The following ELL2 variants were observed in gnomAD, a reference collection of about 807,000 sequenced individuals.
The protein encoded by ELL2 is RNA polymerase II elongation factor ELL2.
In ELL2, 21 loss-of-function variants were observed where a neutral mutation model predicts 72.8. That is an observed-to-expected ratio of 0.29 (90% CI 0.20 to 0.42). ELL2 has a LOEUF of 0.42. ELL2 is among the 10% of genes least tolerant of loss of function. The pLI, the probability that ELL2 is intolerant of heterozygous loss-of-function variation, is 1.00. For missense variants in ELL2, 568 were observed against 772.8 expected (o/e 0.73, Z 3.14); for synonymous variants, 266 against 283.2 (o/e 0.94, Z 0.61).
intron 3 of ELL2, among the ~76,000 whole-genome samples, chr5:95,914,770 A>G (rs1206144894): frequency 6.6e-6 from 1 of 152,122 alleles, no homozygotes; most frequent in Non-Finnish European, 1.5e-5. Flanking sequence ...TCTTGAGCCC[A>G]GGATGTGAAG....
chr5:95,912,976 T>G (rs578110046), intron 4 of ELL2, among the ~76,000 whole-genome samples: 2 of 152,336 alleles, frequency 1.3e-5, no homozygotes, highest in East Asian at 3.9e-4. Context: ...TGACTTGTGT[T>G]ATTAAATTGA....
At position 95,927,836 on chromosome 5, in the gene ELL2, T is replaced by C. The variant is rs1432250740; in HGVS notation, c.196-8291A>G. On this transcript the variant is annotated intron_variant, in intron 2 of 11. Transcript: ENST00000237853. ...GTGTATATAGACATACACACACACA[T>C]ATGTGTGTATATTTTACTTTGAATG... is the stretch of plus-strand genomic sequence containing the variant. 2.2e-5 allele frequency among the ~76,000 whole-genome samples: 2 copies of C among 89,538 alleles called. 1 individual carries two copies. Among genetic ancestry groups the C allele is most frequent in the Non-Finnish European group, 4.1e-5 (2 of 48,794 alleles). The allele number at this position is 89,538 out of a possible 152,430, so 58.7% of individuals were successfully genotyped here.
chr5:95,956,955 A>G (rs1335282711), intron 1 of ELL2, among the ~76,000 whole-genome samples: 1 of 152,212 alleles, frequency 6.6e-6, no homozygotes, highest in Non-Finnish European at 1.5e-5. Flanking sequence ...AATCCAATGG[A>G]GTTGACAAGA....
rs1321672391 is a variant in ELL2, at chr5:95,961,477, GCCAGCCACGGCTCCGCCGGCCCCGCAC to G, written c.147+71_147+97del. 25 of 1,326,174 alleles carry G rather than the reference GCCAGCCACGGCTCCGCCGGCCCCGCAC, an allele frequency of 1.9e-5. 1 individual carries two copies. In the Middle Eastern group the frequency reaches 1.7e-3, roughly 88 times the overall value. The allele number at this position is 1,326,174 out of a possible 1,614,324, so 82.2% of individuals were successfully genotyped here. A position where few individuals can be genotyped will look rare whatever the true frequency, so the allele number is the denominator to read the frequency against. ...GCTGCGGGCGCTGACGGTAGCAGCT[GCCAGCCACGGCTCCGCCGGCCCCGCAC>G]CCGGGCGCGGCCAGGCCGTGAGGGG... is the stretch of plus-strand genomic sequence containing the variant. On this transcript the variant is annotated intron_variant, in intron 1 of 11. Coordinates refer to ENST00000237853, the MANE Select transcript of ELL2 (RefSeq NM_012081.6).
In ELL2 at chr5:95,919,675, G is replaced by T. The variant is rs4642392; in HGVS notation, c.196-130C>A. On this transcript the variant is annotated intron_variant, in intron 2 of 11. Coordinates refer to ENST00000237853, the MANE Select transcript of ELL2 (RefSeq NM_012081.6). ...AAGCCCTTTTGATATATACATCCTC[G>T]CAGCATTTAAATGACCAAACAATTC... 4.8e-6 allele frequency: 5 copies of T among 1,040,100 alleles called. No homozygotes were observed. In the South Asian group the frequency reaches 1.1e-4, roughly 22 times the overall value. The allele number at this position is 1,040,100 out of a possible 1,614,324, so 64.4% of individuals were successfully genotyped here.
intron 1 of ELL2, among the ~76,000 whole-genome samples, chr5:95,951,870 T>C (rs1233079233): frequency 6.6e-6 from 1 of 152,198 alleles, no homozygotes; most frequent in Non-Finnish European, 1.5e-5. Flanking sequence ...AAGGTGACAG[T>C]ACTTGCTGAT....
chr5:95,921,933 T>C (rs1750102536), intron 2 of ELL2, among the ~76,000 whole-genome samples: 1 of 152,240 alleles, frequency 6.6e-6, no homozygotes, highest in African/African-American at 2.4e-5. Context: ...CATATGATAT[T>C]TCATCTTCCT....
At chr5:95,943,176 T>G in intron 1 of ELL2, 127 bp from the exon 2 acceptor site, 1 of 604,578 alleles carries the variant, frequency 1.7e-6, no homozygotes, top group Non-Finnish European at 2.5e-6. Flanking sequence ...ATCCCAGCAC[T>G]TTGGGAGGCT....
chr5:95,907,576 G>A (rs574708919), intron 4 of ELL2, among the ~76,000 whole-genome samples: 6 of 152,140 alleles, frequency 3.9e-5, no homozygotes, highest in East Asian at 3.9e-4. Context: ...GAGGTGAACC[G>A]GGCATTATGT....
chr5:95,940,266 T>A (rs1487071372), intron 2 of ELL2, among the ~76,000 whole-genome samples: 1 of 152,208 alleles, frequency 6.6e-6, no homozygotes, highest in Non-Finnish European at 1.5e-5. Context: ...ATCCAGGTAA[T>A]CAATGACTTT....
At chr5:95,901,165 G>A in intron 5 of ELL2, 85 bp from the exon 6 acceptor site, 1 of 1,406,666 alleles carries the variant, frequency 7.1e-7, no homozygotes, top group Non-Finnish European at 9.5e-7. Flanking sequence ...GATTTACACT[G>A]AAAATAATTA....
chr5:95,942,828 TAATAA>T (rs1195305398), intron 2 of ELL2, 169 bp downstream of exon 2: 3 of 383,712 alleles, frequency 7.8e-6, no homozygotes, highest in South Asian at 6.8e-5. Context: ...AAAAGTAAGT[TAATAA>T]AATAAGATAA....
At chr5:95,929,959 A>G (rs1004483365) in intron 2 of ELL2, among the ~76,000 whole-genome samples, 2 of 152,148 alleles carry the variant, frequency 1.3e-5, no homozygotes, top group Admixed American at 1.3e-4. Flanking sequence ...TTTTCTTTCT[A>G]AAAAGTATCT....
chr5:95,961,467 G>T, intron 1 of ELL2, 108 bp downstream of exon 1: 2 of 1,297,902 alleles, frequency 1.5e-6, no homozygotes, highest in South Asian at 4.2e-5. Context: ...GGGCGCTGAC[G>T]GTAGCAGCTG....
rs915536030 is a variant in ELL2 at position 95,885,762 on chromosome 5, A to T, written c.*3109T>A. 1 of 152,228 alleles carries T rather than the reference A, an allele frequency of 6.6e-6. No homozygotes were observed. Among genetic ancestry groups the T allele is most frequent in the Non-Finnish European group, 1.5e-5 (1 of 68,036 alleles). 9.4% of individuals were successfully genotyped at this position (152,228 alleles called of 1,614,324 possible). On this transcript the variant is annotated 3_prime_UTR_variant, in exon 12 of 12. Transcript: ENST00000237853. Reference sequence around the variant, plus strand: ...ATAAGATCAGAAAAAATTAATACTGAATTTTTATAATCAATGCATGGAGCA... The same window carrying T: ...ATAAGATCAGAAAAAATTAATACTGTATTTTTATAATCAATGCATGGAGCA...
chr5:95,958,354 G>A (rs986863756), intron 1 of ELL2, among the ~76,000 whole-genome samples: 1 of 152,212 alleles, frequency 6.6e-6, no homozygotes, highest in Admixed American at 6.5e-5. Flanking sequence ...AGCTCAGCCA[G>A]ATGCCTACTG....
In ELL2 at chr5:95,953,281, T is replaced by C. The variant is rs770182328; in HGVS notation, c.147+8294A>G. ...TGGCAAATGTCAGAAGATAAATACA[T>C]GTTTGCTGAGTGAACAAACGAATAT... is the stretch of plus-strand genomic sequence containing the variant. On this transcript the variant is annotated intron_variant, in intron 1 of 11. Transcript: ENST00000237853. Among the ~76,000 whole-genome samples the C allele has an allele frequency of 4.1e-4, 63 of 152,248 alleles. 1 individual carries two copies. The highest frequency in any genetic ancestry group is 8.4e-4 in the Non-Finnish European group (57 of 68,034).
intron 4 of ELL2, among the ~76,000 whole-genome samples, chr5:95,911,578 C>T (rs879111227): frequency 6.6e-6 from 1 of 151,988 alleles, no homozygotes; most frequent in Non-Finnish European, 1.5e-5. Flanking sequence ...GATCTCTTGA[C>T]CTCGTGATCT....
rs1393072269 is a variant in ELL2 at position 95,898,820 on chromosome 5, G to A, written c.955-10C>T. The stretch of plus-strand genomic sequence containing the variant: ...AATCCAAAAGCCGTTTCTAGGGGAG[G>A]GAAAAGGAGAAAAGTGAGCCAGTTT... On this transcript the variant is annotated splice_polypyrimidine_tract_variant and intron_variant, in intron 7 of 11. Transcript: ENST00000237853. The A allele has an allele frequency of 1.8e-5, 27 of 1,473,844 alleles. No individual in the cohort carries two copies. The highest frequency in any genetic ancestry group is 2.3e-5 in the Non-Finnish European group (26 of 1,112,150). The allele number at this position is 1,473,844 out of a possible 1,614,324, so 91.3% of individuals were successfully genotyped here. A position where few individuals can be genotyped will look rare whatever the true frequency, so the allele number is the denominator to read the frequency against.
Sources: gnomAD v4.1 joint callset for allele counts (sites outside exome capture counted in the v4.1 genomes callset) on GRCh38, gnomAD v4.1.1 for gene constraint, MANE v1.5 for transcripts, NCBI Gene and HGNC (gene_info 2026-07-23, HGNC 2026-07-21) for gene names.